Variants in IGF2BP3 observed in about 807,000 individuals in gnomAD.
IGF2BP3 encodes the protein insulin-like growth factor 2 mRNA-binding protein 3.
IGF2BP3 carries 9 observed loss-of-function variants against 73.8 expected under a neutral mutation model. That is an observed-to-expected ratio of 0.12 (90% CI 0.07 to 0.21). IGF2BP3 has a LOEUF of 0.21. Ranked by LOEUF, IGF2BP3 falls within the 10% of genes least tolerant of loss-of-function variation. IGF2BP3 has a pLI of 1.00. For missense variants in IGF2BP3, 542 were observed against 714.0 expected, an observed-to-expected ratio of 0.76 and a Z score of 2.75; for synonymous variants, 258 against 256.7, an observed-to-expected ratio of 1.01 and a Z score of -0.05.
chr7:23,469,991 C>G lies in IGF2BP3; in HGVS notation c.120G>C (p.Ala40=). ...AGCTCTCGTCCGGGCAGTCCACGAA[C>G]GCGTAGCCAGTCTTCACCAGGAAGG... ...SGPFLVKTGY[A]FVDCPDESWA... The change falls in exon 1 of 15, where the codon GCG becomes GCC. Residue 40 remains alanine, a synonymous_variant. Transcript: ENST00000258729. This position sits in a 1 kb window ranked among gnomAD's most constrained non-coding sequence, Gnocchi z 6.1. The G allele has an allele frequency of 6.2e-7, 1 of 1,612,686 alleles. No individual in the cohort carries two copies. The highest frequency in any genetic ancestry group is 8.5e-7 in the Non-Finnish European group (1 of 1,179,750).
chr7:23,468,574 CGA>C (rs1283176842), intron 1 of IGF2BP3, 32 bp from the exon 2 acceptor site: 1 of 1,609,592 alleles, frequency 6.2e-7, no homozygotes, highest in East Asian at 2.2e-5. Flanking sequence ...GACGGTCGGC[CGA>C]GTTCAGCGGC....
chr7:23,468,044 C>T (rs1372396091), intron 2 of IGF2BP3: 2 of 197,058 alleles, frequency 1.0e-5, no homozygotes, highest in African/African-American at 4.7e-5. Context: ...CCCACGGCCT[C>T]CCAACCCCGG....
At chr7:23,431,646 A>G (rs1489318626) in intron 2 of IGF2BP3, among the ~76,000 whole-genome samples, 2 of 152,204 alleles carry the variant, frequency 1.3e-5, no homozygotes, top group Non-Finnish European at 2.9e-5. Flanking sequence ...GGGGAAAAAA[A>G]AAAGATTACA....
intron 3 of IGF2BP3, among the ~76,000 whole-genome samples, chr7:23,412,603 G>A (rs901060839): frequency 1.9e-4 from 29 of 152,190 alleles, no homozygotes; most frequent in African/African-American, 6.5e-4. Context: ...GGGAAATATT[G>A]TTTCACCTTC....
In IGF2BP3 at chr7:23,457,578, G is replaced by T. The variant is rs374370508; in HGVS notation, c.236+10904C>A. 2.2e-4 allele frequency among the ~76,000 whole-genome samples: 34 copies of T among 152,310 alleles called. 1 individual carries two copies. In the South Asian group the frequency reaches 6.2e-3, roughly 28 times the overall value. The stretch of plus-strand genomic sequence containing the variant: ...GGCTAAATTATTGCACACCTATGCT[G>T]AACAATGCATCTGTTGGTTACAAAA... On this transcript the variant is annotated intron_variant, in intron 2 of 14. Coordinates refer to ENST00000258729, the MANE Select transcript of IGF2BP3 (RefSeq NM_006547.3).
chr7:23,424,067 A>C (rs1219605910), intron 2 of IGF2BP3, among the ~76,000 whole-genome samples: 1 of 152,136 alleles, frequency 6.6e-6, no homozygotes, highest in African/African-American at 2.4e-5. Flanking sequence ...GCAGTTAGCC[A>C]AGACTGCACC....
At chr7:23,342,876 C>A (rs1373901674) in intron 9 of IGF2BP3, among the ~76,000 whole-genome samples, 1 of 152,158 alleles carries the variant, frequency 6.6e-6, no homozygotes, top group African/African-American at 2.4e-5. Flanking sequence ...TGGAGCCAAG[C>A]AGTGAGAATT....
intron 13 of IGF2BP3, among the ~76,000 whole-genome samples, chr7:23,313,162 G>A (rs932533915): frequency 2.6e-5 from 4 of 152,196 alleles, no homozygotes; most frequent in African/African-American, 7.2e-5. Flanking sequence ...ATATGTATTA[G>A]AGACTAGAAA....
chr7:23,449,116 T>C (rs1788133384), intron 2 of IGF2BP3, among the ~76,000 whole-genome samples: 1 of 123,178 alleles, frequency 8.1e-6, no homozygotes, highest in African/African-American at 3.4e-5. Context: ...ACCGATTTAT[T>C]ATCTTTTTTT....
intron 3 of IGF2BP3, among the ~76,000 whole-genome samples, chr7:23,382,029 G>A (rs1246074175): frequency 2.0e-5 from 3 of 152,146 alleles, no homozygotes; most frequent in African/African-American, 7.2e-5. Context: ...GCTGAGGCGG[G>A]AGAATCACTC....
At chr7:23,339,179 C>T (rs1784647801) in intron 10 of IGF2BP3, among the ~76,000 whole-genome samples, 1 of 152,212 alleles carries the variant, frequency 6.6e-6, no homozygotes, top group African/African-American at 2.4e-5. Flanking sequence ...GCTTAAATGA[C>T]AGGAGAAGCA....
At chr7:23,461,806 A>G (rs183584939) in intron 2 of IGF2BP3, among the ~76,000 whole-genome samples, 88 of 152,298 alleles carry the variant, frequency 5.8e-4, no homozygotes, top group African/African-American at 2.0e-3. Flanking sequence ...GCCACCATCA[A>G]TTCCTCTCTC....
intron 3 of IGF2BP3, among the ~76,000 whole-genome samples, chr7:23,399,135 C>G (rs1786577817): frequency 6.6e-6 from 1 of 152,190 alleles, no homozygotes; most frequent in Admixed American, 6.5e-5. Context: ...TACGGCTGGC[C>G]AGTTTTCCCA....
chr7:23,467,561 A>C (rs370277572), intron 2 of IGF2BP3, among the ~76,000 whole-genome samples: 2 of 152,040 alleles, frequency 1.3e-5, no homozygotes, highest in African/African-American at 4.8e-5. Flanking sequence ...TTAGAGCCGG[A>C]ATCTATGGTG....
chr7:23,312,911 T>C (rs1783872089), intron 13 of IGF2BP3, 63 bp from the exon 14 acceptor site: 4 of 988,934 alleles, frequency 4.0e-6, no homozygotes, highest in Non-Finnish European at 6.3e-6. Context: ...CCTAAGCACT[T>C]ACTGTGCGCC....
intron 2 of IGF2BP3, among the ~76,000 whole-genome samples, chr7:23,429,657 C>T (rs752714534): frequency 2.6e-5 from 4 of 152,066 alleles, no homozygotes; most frequent in African/African-American, 4.8e-5. Flanking sequence ...TTACATATGG[C>T]GACTCAATAT....
At chr7:23,374,666 G>A (rs529129972) in intron 3 of IGF2BP3, among the ~76,000 whole-genome samples, 8 of 152,230 alleles carry the variant, frequency 5.3e-5, no homozygotes, top group Non-Finnish European at 7.4e-5. Context: ...GACAGAGTGA[G>A]ACTCTGTCTC....
At chr7:23,454,759 G>A (rs1788277261) in intron 2 of IGF2BP3, among the ~76,000 whole-genome samples, 2 of 152,072 alleles carry the variant, frequency 1.3e-5, no homozygotes, top group South Asian at 4.1e-4. Flanking sequence ...CCAACTTTAG[G>A]TAGTAGTACG....
intron 10 of IGF2BP3, among the ~76,000 whole-genome samples, chr7:23,334,417 G>C (rs1784520627): frequency 1.3e-5 from 2 of 152,200 alleles, no homozygotes; most frequent in South Asian, 4.1e-4. Context: ...CAAATAGGCA[G>C]ATAATTTAAA....
Sources: gnomAD v4.1 joint callset for allele counts (sites outside exome capture counted in the v4.1 genomes callset) on GRCh38, gnomAD v4.1.1 for gene constraint, Gnocchi (gnomAD v3.1) non-coding constraint, MANE v1.5 for transcripts, NCBI Gene and HGNC (gene_info 2026-07-23, HGNC 2026-07-21) for gene names.